The following SP3 variants were observed in gnomAD, a reference collection of about 807,000 sequenced individuals.
SP3 encodes the protein Sp3 transcription factor.
A neutral mutation model predicts 70.3 loss-of-function variants in SP3; 10 were observed. The observed-to-expected ratio is 0.14, with a 90% CI of 0.09 to 0.24. The LOEUF (loss-of-function observed/expected upper bound fraction) is 0.24. Ranked by LOEUF, SP3 falls within the 10% of genes least tolerant of loss-of-function variation. The probability of loss-of-function intolerance (pLI) is 1.00; values close to 1 mark genes in which losing one functional copy is unlikely to be tolerated. For missense variants in SP3, 825 were observed against 914.6 expected, an observed-to-expected ratio of 0.90 and a Z score of 1.26; for synonymous variants, 402 against 333.5, an observed-to-expected ratio of 1.21 and a Z score of -2.24.
chr2:173,965,107 GGTC>G (rs1461291720), intron 1 of SP3, 55 bp downstream of exon 1: 1 of 1,544,918 alleles, frequency 6.5e-7, no homozygotes, highest in East Asian at 2.5e-5. Context: ...GGCTGGCTGT[GGTC>G]GGCGGCAGCG....
intron 4 of SP3, among the ~76,000 whole-genome samples, chr2:173,951,795 G>A (rs1189703897): frequency 2.0e-5 from 3 of 152,094 alleles, no homozygotes; most frequent in African/African-American, 4.8e-5. Context: ...GGTCTATCTC[G>A]CACTTTGAAT....
At chr2:173,964,839 G>A (rs1691240643) in intron 1 of SP3, 5 of 470,778 alleles carry the variant, frequency 1.1e-5, no homozygotes, top group African/African-American at 2.1e-5. Flanking sequence ...CCTTCGCGCC[G>A]CTCGCTCTCA....
At chr2:173,910,873 A>G (rs1349695869) in intron 6 of SP3, among the ~76,000 whole-genome samples, 1 of 152,226 alleles carries the variant, frequency 6.6e-6, no homozygotes, top group Non-Finnish European at 1.5e-5. Flanking sequence ...GCCTAAATTT[A>G]TTTCCCAGCA....
chr2:173,963,085 ACT>A (rs1376546476), intron 3 of SP3: 8 of 152,264 alleles, frequency 5.3e-5, no homozygotes, highest in East Asian at 3.9e-4. Flanking sequence ...CTTTTCTAAC[ACT>A]GTTATATTCA....
At chr2:173,923,966 G>C (rs932081790) in intron 4 of SP3, among the ~76,000 whole-genome samples, 6 of 151,274 alleles carry the variant, frequency 4.0e-5, no homozygotes, top group Non-Finnish European at 8.9e-5. Flanking sequence ...TTCTTCTAAG[G>C]GGATAGTTCT....
chr2:173,911,606 A>G (rs1435897441), intron 6 of SP3, among the ~76,000 whole-genome samples: 1 of 152,014 alleles, frequency 6.6e-6, no homozygotes, highest in African/African-American at 2.4e-5. Context: ...TTGGCCCACT[A>G]TTTCCTACAC....
At position 173,955,717 on chromosome 2, in the gene SP3, C is replaced by T. The variant is rs773462523; in HGVS notation, c.795G>A (p.Thr265=). ...GATCGACACTATTGATTGGTACAAA[C>T]GTAATATTTCCTGGCAGACCAAGAG... ...NVPLGLPGNI[T]FVPINSVDLD... is the part of the protein sequence containing the mutation. Residue 265 remains threonine (T), a synonymous_variant, in exon 4 of 7, where the codon ACG becomes ACA. Coordinates refer to ENST00000310015, the MANE Select transcript of SP3 (RefSeq NM_003111.5). 7.4e-6 allele frequency: 12 copies of T among 1,614,038 alleles called. No homozygotes were observed. The highest frequency in any genetic ancestry group is 1.7e-5 in the Admixed American group (1 of 60,000).
At chr2:173,946,885 CTTT>C (rs3045255) in intron 4 of SP3, among the ~76,000 whole-genome samples, 2 of 146,724 alleles carry the variant, frequency 1.4e-5, no homozygotes, top group East Asian at 4.0e-4. Flanking sequence ...CCACGCCTGG[CTTT>C]TTTTTTTTAA....
At position 173,955,438 on chromosome 2, in the gene SP3, T is replaced by A. The variant is rs141138191; in HGVS notation, c.1074A>T (p.Thr358=). ...ILQQNTNSLT[T]SSGQVHSSDL... ...CTGAAGAATGAACCTGCCCACTAGA[T>A]GTAGTCAAGCTATTTGTGTTTTGTT... Residue 358 remains threonine, a synonymous_variant, in exon 4 of 7, where the codon ACA becomes ACT. Coordinates refer to ENST00000310015, the MANE Select transcript of SP3 (RefSeq NM_003111.5). 308 of 1,614,014 alleles carry A rather than the reference T, an allele frequency of 1.9e-4. No individual in the cohort carries two copies. The African/African-American group carries it at 3.8e-3, about 20-fold the overall frequency.
At chr2:173,917,859 A>G (rs1689651816) in intron 5 of SP3, among the ~76,000 whole-genome samples, 1 of 152,072 alleles carries the variant, frequency 6.6e-6, no homozygotes, top group Admixed American at 6.6e-5. Flanking sequence ...CTCGTGTGAT[A>G]TATTAACACT....
intron 3 of SP3, among the ~76,000 whole-genome samples, chr2:173,959,236 G>A (rs1465558158): frequency 6.6e-6 from 1 of 151,220 alleles, no homozygotes; most frequent in Non-Finnish European, 1.5e-5. Context: ...GCCTTGCAAA[G>A]CACAATCAAA....
At chr2:173,947,007 G>A (rs1276677309) in intron 4 of SP3, among the ~76,000 whole-genome samples, 2 of 152,054 alleles carry the variant, frequency 1.3e-5, no homozygotes, top group Admixed American at 6.6e-5. Context: ...AGAGGCATGA[G>A]CCACCATACC....
chr2:173,922,616 G>A (rs1199818878), intron 4 of SP3, among the ~76,000 whole-genome samples: 1 of 151,886 alleles, frequency 6.6e-6, no homozygotes, highest in Non-Finnish European at 1.5e-5. Flanking sequence ...CCAGCATAGG[G>A]GACTGAGAGT....
intron 3 of SP3, among the ~76,000 whole-genome samples, chr2:173,962,048 C>CGTCT (rs1691105861): frequency 7.0e-6 from 1 of 143,552 alleles, no homozygotes; most frequent in South Asian, 2.2e-4. Flanking sequence ...GATTCTAGTT[C>CGTCT]GTCTTCATGT....
chr2:173,932,352 C>T (rs907651194), intron 4 of SP3, among the ~76,000 whole-genome samples: 5 of 152,036 alleles, frequency 3.3e-5, no homozygotes, highest in African/African-American at 7.2e-5. Context: ...CCATCACGCC[C>T]GGCTAATTTT....
chr2:173,957,441 G>A (rs1690932507), intron 3 of SP3, among the ~76,000 whole-genome samples: 1 of 152,056 alleles, frequency 6.6e-6, no homozygotes, highest in African/African-American at 2.4e-5. Flanking sequence ...TAGAATATAA[G>A]ATTTTCCTGT....
At chr2:173,949,575 T>A (rs996124782) in intron 4 of SP3, among the ~76,000 whole-genome samples, 1 of 152,074 alleles carries the variant, frequency 6.6e-6, no homozygotes, top group Non-Finnish European at 1.5e-5. Context: ...ATAATACACC[T>A]AAAAACACCT....
chr2:173,957,075 T>C (rs1234599912), intron 3 of SP3, among the ~76,000 whole-genome samples: 1 of 152,180 alleles, frequency 6.6e-6, no homozygotes, highest in Non-Finnish European at 1.5e-5. Flanking sequence ...AACCATTCTA[T>C]AAAACTTAAT....
chr2:173,932,744 G>C (rs774792310), intron 4 of SP3, among the ~76,000 whole-genome samples: 9 of 152,114 alleles, frequency 5.9e-5, no homozygotes, highest in Non-Finnish European at 1.2e-4. Context: ...TGTAATCCCA[G>C]CACTTTGGGA....
Sources: allele counts gnomAD v4.1 joint callset (sites outside exome capture counted in the v4.1 genomes callset), GRCh38; gene constraint gnomAD v4.1.1; transcripts MANE v1.5; gene names NCBI Gene and HGNC (gene_info 2026-07-23, HGNC 2026-07-21).